GMDS: variants seen among roughly 807,000 people sequenced by gnomAD.
GMDS encodes GDP-mannose 4,6-dehydratase.
A neutral mutation model predicts 49.9 loss-of-function variants in GMDS; 20 were observed. The ratio of observed to expected loss-of-function variants is 0.40; its 90% CI spans 0.28 to 0.58. The LOEUF (loss-of-function observed/expected upper bound fraction) is 0.58. GMDS is among the 20% of genes least tolerant of loss of function. The pLI, the probability that GMDS is intolerant of heterozygous loss-of-function variation, is 0.42. For missense variants in GMDS, 362 were observed against 481.4 expected (o/e 0.75, Z 2.32); for synonymous variants, 177 against 178.6 (o/e 0.99, Z 0.07).
intron 4 of GMDS, among the ~76,000 whole-genome samples, chr6:2,114,018 C>T (rs549673470): frequency 5.9e-5 from 9 of 152,216 alleles, no homozygotes; most frequent in South Asian, 2.1e-4. Flanking sequence ...CACACCAGAA[C>T]GATAACAAAA....
At chr6:2,021,505 A>C (rs1221981763) in intron 4 of GMDS, among the ~76,000 whole-genome samples, 2 of 152,226 alleles carry the variant, frequency 1.3e-5, no homozygotes, top group Admixed American at 6.5e-5. Flanking sequence ...CCAAAAACTT[A>C]AGCATTCAAT....
chr6:2,239,255 G>A (rs960337106), intron 1 of GMDS, among the ~76,000 whole-genome samples: 14 of 151,280 alleles, frequency 9.3e-5, no homozygotes, highest in Admixed American at 3.3e-4. Flanking sequence ...CTTGAACCCA[G>A]GACACGGATG....
At chr6:1,666,962 G>A (rs1764257437) in intron 9 of GMDS, among the ~76,000 whole-genome samples, 1 of 152,154 alleles carries the variant, frequency 6.6e-6, no homozygotes, top group African/African-American at 2.4e-5. Flanking sequence ...TTTCTGCTGA[G>A]CGCTAGGACC....
chr6:1,949,590 G>C (rs1763243048), intron 6 of GMDS, among the ~76,000 whole-genome samples: 1 of 152,186 alleles, frequency 6.6e-6, no homozygotes, highest in Non-Finnish European at 1.5e-5. Context: ...AGTCTTTTAT[G>C]TTTAAGCAAT....
intron 1 of GMDS, among the ~76,000 whole-genome samples, chr6:2,132,032 T>C (rs1056685578): frequency 6.6e-6 from 1 of 152,202 alleles, no homozygotes; most frequent in African/African-American, 2.4e-5. Context: ...CTGCATTCAG[T>C]ATCTTTTTAA....
intron 4 of GMDS, among the ~76,000 whole-genome samples, chr6:2,035,036 T>C (rs1045005258): frequency 1.8e-4 from 28 of 152,146 alleles, no homozygotes; most frequent in African/African-American, 6.8e-4. Flanking sequence ...CTAGCCTTCT[T>C]ACCACATAAG....
chr6:2,245,101 G>A (rs1367258769), intron 1 of GMDS, among the ~76,000 whole-genome samples: 1 of 152,216 alleles, frequency 6.6e-6, no homozygotes, highest in Non-Finnish European at 1.5e-5. Flanking sequence ...CACGCTCACA[G>A]CCCCCAGAGA....
intron 1 of GMDS, among the ~76,000 whole-genome samples, chr6:2,161,505 A>G (rs765377778): frequency 2.0e-5 from 3 of 152,208 alleles, no homozygotes; most frequent in Non-Finnish European, 4.4e-5. Context: ...GAGGATTGAC[A>G]GCTTCCCTCA....
intron 1 of GMDS, among the ~76,000 whole-genome samples, chr6:2,242,540 A>G (rs997886410): frequency 1.3e-5 from 2 of 152,254 alleles, no homozygotes; most frequent in African/African-American, 4.8e-5. Flanking sequence ...CCCATTTAAG[A>G]GCCCATCTTG....
intron 7 of GMDS, among the ~76,000 whole-genome samples, chr6:1,899,907 C>T (rs1177066850): frequency 6.6e-6 from 1 of 152,060 alleles, no homozygotes; most frequent in African/African-American, 2.4e-5. Context: ...TGCGACAGGG[C>T]ACCCTGTCGT....
At chr6:2,025,355 G>A (rs1441452562) in intron 4 of GMDS, among the ~76,000 whole-genome samples, 3 of 120,172 alleles carry the variant, frequency 2.5e-5, no homozygotes, top group Non-Finnish European at 5.1e-5. Context: ...ATCTGATGGT[G>A]GGGTGTGTGT....
chr6:2,021,977 C>T (rs2127406579), intron 4 of GMDS, among the ~76,000 whole-genome samples: 1 of 152,272 alleles, frequency 6.6e-6, no homozygotes. Flanking sequence ...CATCAAATGG[C>T]CTTTGTGTAA....
intron 4 of GMDS, among the ~76,000 whole-genome samples, chr6:1,970,898 T>C (rs1343542899): frequency 6.8e-6 from 1 of 146,344 alleles, no homozygotes; most frequent in African/African-American, 2.5e-5. Context: ...CCAACCAGCA[T>C]GGCACGTGTT....
Position 2,000,010 on chromosome 6 carries a change from T to TTTATATATATATAATATATATATATA in GMDS, c.346-39045_346-39044insTATATATATATATTATATATATATAA, listed in dbSNP as rs1561962120. Among the ~76,000 whole-genome samples, 3 of 6,568 alleles carry TTTATATATATATAATATATATATATA rather than the reference T, an allele frequency of 4.6e-4. 1 individual carries two copies. The highest frequency in any genetic ancestry group is 9.1e-4 in the Non-Finnish European group (2 of 2,208). The allele number at this position is 6,568 out of a possible 152,430, so 4.3% of individuals were successfully genotyped here. ...ATATATATATATTATATATATATAT[T>TTTATATATATATAATATATATATATA]TTTTATATATATATATATCTATATC... On this transcript the variant is annotated intron_variant, in intron 4 of 10. Coordinates refer to ENST00000380815, the MANE Select transcript of GMDS (RefSeq NM_001500.4).
In GMDS at chr6:2,066,971, G is replaced by A. The variant is rs967130937; in HGVS notation, c.345+48800C>T. 2.7e-3 allele frequency among the ~76,000 whole-genome samples: 404 copies of A among 151,814 alleles called. 1 individual carries two copies. The highest frequency in any genetic ancestry group is 9.5e-3 in the African/African-American group (392 of 41,292). On this transcript the variant is annotated intron_variant, in intron 4 of 10. Coordinates refer to ENST00000380815, the MANE Select transcript of GMDS (RefSeq NM_001500.4). The stretch of plus-strand genomic sequence containing the variant: ...ATCAACAGAATATACATTTTTTTCA[G>A]CACCACACCACACCTATTCCAAAAT...
At chr6:2,176,059 T>A (rs1438085528) in intron 1 of GMDS, 1 of 1,379,082 alleles carries the variant, frequency 7.3e-7, no homozygotes, top group African/African-American at 1.4e-5. Context: ...AGACAGCAGA[T>A]GTGACTACAG....
chr6:1,743,700 G>A (rs2113495809), intron 7 of GMDS, among the ~76,000 whole-genome samples: 1 of 151,956 alleles, frequency 6.6e-6, no homozygotes, highest in African/African-American at 2.4e-5. Flanking sequence ...CAGCAGATAG[G>A]CCTGGAGTTC....
chr6:1,719,044 G>C (rs1031581012), intron 9 of GMDS, among the ~76,000 whole-genome samples: 19 of 152,166 alleles, frequency 1.2e-4, no homozygotes, highest in Non-Finnish European at 2.2e-4. Context: ...ATTACAAAAT[G>C]TACAAGGTAG....
intron 1 of GMDS, among the ~76,000 whole-genome samples, chr6:2,183,493 C>T (rs887964637): frequency 3.9e-5 from 6 of 152,082 alleles, no homozygotes; most frequent in African/African-American, 1.4e-4. Context: ...TATAGATAAG[C>T]AAAGAAAGTA....
Sources: gnomAD v4.1 joint callset for allele counts (sites outside exome capture counted in the v4.1 genomes callset) on GRCh38, gnomAD v4.1.1 for gene constraint, MANE v1.5 for transcripts, NCBI Gene and HGNC (gene_info 2026-07-23, HGNC 2026-07-21) for gene names.